The following TET2 variants were observed in gnomAD, a reference collection of about 807,000 sequenced individuals.
TET2 encodes tet methylcytosine dioxygenase 2.
Under a neutral mutation model 142.9 loss-of-function variants are expected in TET2, and 299 were observed. The observed-to-expected ratio is 2.09, with a 90% CI of 1.90 to 2.30. The LOEUF (loss-of-function observed/expected upper bound fraction) is 2.30. Ranked by LOEUF, TET2 falls within the 30% of genes most tolerant of loss-of-function variation. The probability of loss-of-function intolerance (pLI) is 0.00; values close to 1 mark genes in which losing one functional copy is unlikely to be tolerated. For missense variants in TET2, 2,418 were observed against 2,378.0 expected (o/e 1.02, Z -0.35); for synonymous variants, 819 against 849.0 (o/e 0.96, Z 0.61).
chr4:105,262,134 A>G (rs185664247), intron 8 of TET2, among the ~76,000 whole-genome samples: 126 of 152,290 alleles, frequency 8.3e-4, no homozygotes, highest in Non-Finnish European at 2.1e-4. Flanking sequence ...TAAACAGACT[A>G]TGGAGATTAC....
At chr4:105,221,716 A>C (rs889328681) in intron 2 of TET2, among the ~76,000 whole-genome samples, 1 of 150,792 alleles carries the variant, frequency 6.6e-6, no homozygotes, top group African/African-American at 2.4e-5. Context: ...TTTATTTTTT[A>C]TTTTTTTATT....
At chr4:105,242,454 A>G in intron 4 of TET2, 1 of 1,102,398 alleles carries the variant, frequency 9.1e-7, no homozygotes, top group Non-Finnish European at 1.1e-6. Context: ...AAAATCTATT[A>G]TGACTCCCCA....
Position 105,277,937 on chromosome 4 carries a change from T to C in TET2, c.*1418T>C. 1 of 214,634 alleles carries C rather than the reference T, an allele frequency of 4.7e-6. No homozygotes were observed. The highest frequency in any genetic ancestry group is 1.9e-4 in the South Asian group (1 of 5,334). 13.3% of individuals were successfully genotyped at this position (214,634 alleles called of 1,614,324 possible). A position where few individuals can be genotyped will look rare whatever the true frequency, so the allele number is the denominator to read the frequency against. ...TCATTTCTTAGCTTAAGTGTCCTCT[T>C]TAACAAGAGGATTGAGCAGACTGAT... is the stretch of plus-strand genomic sequence containing the variant. On this transcript the variant is annotated 3_prime_UTR_variant, in exon 11 of 11. Coordinates refer to ENST00000380013, the MANE Select transcript of TET2 (RefSeq NM_001127208.3).
chr4:105,227,941 A>G (rs1309346628), intron 2 of TET2, among the ~76,000 whole-genome samples: 3 of 152,140 alleles, frequency 2.0e-5, no homozygotes, highest in Non-Finnish European at 2.9e-5. Context: ...CTTTTTATGC[A>G]AGCTTGAAAA....
chr4:105,201,227 G>A (rs1327517895), intron 2 of TET2, among the ~76,000 whole-genome samples: 1 of 151,900 alleles, frequency 6.6e-6, no homozygotes, highest in East Asian at 1.9e-4. Flanking sequence ...TTTAAAGCTG[G>A]ATAAATTAAC....
intron 9 of TET2, among the ~76,000 whole-genome samples, chr4:105,270,694 A>G (rs1258511032): frequency 3.3e-5 from 4 of 121,734 alleles, no homozygotes; most frequent in Non-Finnish European, 7.1e-5. Flanking sequence ...ATATATATAT[A>G]TATATGTTCT....
chr4:105,229,270 CAG>C (rs1728355578), intron 2 of TET2, among the ~76,000 whole-genome samples: 1 of 152,134 alleles, frequency 6.6e-6, no homozygotes, highest in Non-Finnish European at 1.5e-5. Context: ...GTAAATCTAG[CAG>C]AAATAAAAAC....
At chr4:105,203,191 G>T (rs550392866) in intron 2 of TET2, among the ~76,000 whole-genome samples, 1 of 152,272 alleles carries the variant, frequency 6.6e-6, no homozygotes, top group East Asian at 1.9e-4. Context: ...ACATTTTTAC[G>T]TAAGATTTGG....
At chr4:105,154,442 G>A (rs529535633) in intron 1 of TET2, among the ~76,000 whole-genome samples, 1 of 152,332 alleles carries the variant, frequency 6.6e-6, no homozygotes, top group East Asian at 1.9e-4. Flanking sequence ...GCATCAAGGA[G>A]TTTTATTATG....
At chr4:105,166,434 A>G (rs574109621) in intron 1 of TET2, among the ~76,000 whole-genome samples, 13 of 151,802 alleles carry the variant, frequency 8.6e-5, no homozygotes, top group Middle Eastern at 6.8e-3. Context: ...TTTTTTTCAG[A>G]TTTCTTAATT....
intron 1 of TET2, among the ~76,000 whole-genome samples, chr4:105,180,507 T>G (rs1725054338): frequency 6.6e-6 from 1 of 152,228 alleles, no homozygotes; most frequent in Non-Finnish European, 1.5e-5. Context: ...AGCAAAATTA[T>G]GTTTATTTCA....
At position 105,163,392 on chromosome 4, in the gene TET2, T is replaced by C. The variant is rs113579630; in HGVS notation, c.-193+16413T>C. ...CATAGAATCATGGATTGCTACAAGC[T>C]GAAAGGACTTTAGAGACTCAGTAAC... On this transcript the variant is annotated intron_variant, in intron 1 of 10. Coordinates refer to ENST00000380013, the MANE Select transcript of TET2 (RefSeq NM_001127208.3). Among the ~76,000 whole-genome samples, 1,205 of 152,270 alleles carry C rather than the reference T, an allele frequency of 7.9e-3. 6 individuals are homozygous for C. Among genetic ancestry groups the C allele is most frequent in the Non-Finnish European group, 0.012 (829 of 68,006 alleles).
chr4:105,243,030 T>G (rs1729388877), intron 5 of TET2, 103 bp downstream of exon 5: 12 of 901,022 alleles, frequency 1.3e-5, no homozygotes, highest in Admixed American at 2.4e-5. Flanking sequence ...CTCATGCCAG[T>G]TAAAAAGAAC....
intron 2 of TET2, among the ~76,000 whole-genome samples, chr4:105,216,034 C>G (rs1366577525): frequency 1.3e-5 from 2 of 152,188 alleles, no homozygotes; most frequent in East Asian, 3.9e-4. Context: ...TTTGTTCTCC[C>G]CTTAAATAAA....
In TET2 at chr4:105,275,785, CCTT is replaced by C. The variant is rs1352385497; in HGVS notation, c.5278_5280del (p.Ser1760del). ...CTATAAAAATGGTGAACATCATTCA[CCTT>C]CTCACATAATCCATAACTACAGTGC... is the stretch of plus-strand genomic sequence containing the variant. On this transcript the variant is annotated inframe_deletion, in exon 11 of 11. Transcript: ENST00000380013. 11 of 1,551,600 alleles carry C rather than the reference CCTT, an allele frequency of 7.1e-6. No homozygotes were observed. The Admixed American group carries it at 1.8e-4, about 25-fold the overall frequency.
At chr4:105,173,302 G>A (rs559152822) in intron 1 of TET2, among the ~76,000 whole-genome samples, 2 of 150,540 alleles carry the variant, frequency 1.3e-5, no homozygotes, top group African/African-American at 4.9e-5. Context: ...GGCAGATCAC[G>A]AGCTCAGGAG....
At chr4:105,251,555 A>G (rs1386758561) in intron 6 of TET2, among the ~76,000 whole-genome samples, 1 of 152,122 alleles carries the variant, frequency 6.6e-6, no homozygotes, top group African/African-American at 2.4e-5. Flanking sequence ...TATACATTAG[A>G]TTAACATTAT....
intron 4 of TET2, chr4:105,242,265 C>CT (rs1221163781): frequency 2.7e-5 from 29 of 1,083,508 alleles, no homozygotes; most frequent in East Asian, 1.0e-4. Flanking sequence ...CCCTAAGTGC[C>CT]TTTTTTTTGT....
At chr4:105,221,531 G>GAAA (rs1727818230) in intron 2 of TET2, among the ~76,000 whole-genome samples, 5 of 152,040 alleles carry the variant, frequency 3.3e-5, no homozygotes, top group Non-Finnish European at 7.4e-5. Flanking sequence ...AGGCCCTACT[G>GAAA]AGGATTATGA....
Sources: gnomAD v4.1 joint callset for allele counts (sites outside exome capture counted in the v4.1 genomes callset) on GRCh38, gnomAD v4.1.1 for gene constraint, MANE v1.5 for transcripts, NCBI Gene and HGNC (gene_info 2026-07-23, HGNC 2026-07-21) for gene names.